ZFAT: variants seen among roughly 807,000 people sequenced by gnomAD.
ZFAT encodes zinc finger protein ZFAT.
In ZFAT, 64 loss-of-function variants were observed where a neutral mutation model predicts 117.7. The ratio of observed to expected loss-of-function variants is 0.54; its 90% CI spans 0.44 to 0.67. ZFAT has a LOEUF of 0.67. Ranked by LOEUF, ZFAT falls within the 30% of genes least tolerant of loss-of-function variation. The pLI is 0.00. For synonymous variants in ZFAT, 679 were observed against 615.0 expected (o/e 1.10, Z -1.54); for missense variants, 1,433 against 1,584.5 (o/e 0.90, Z 1.62).
chr8:134,636,775 A>G (rs1830236281), intron 3 of ZFAT, among the ~76,000 whole-genome samples: 1 of 152,242 alleles, frequency 6.6e-6, no homozygotes, highest in South Asian at 2.1e-4. Flanking sequence ...GGCCATCTGC[A>G]GACACACTAC....
the ZFAT span, among the ~76,000 whole-genome samples, chr8:134,780,991 G>A: frequency 6.6e-6 from 1 of 152,068 alleles, no homozygotes; most frequent in Non-Finnish European, 1.5e-5. Flanking sequence ...TGACTAATTG[G>A]CATAGTATTT....
intron 5 of ZFAT, among the ~76,000 whole-genome samples, chr8:134,606,134 G>A (rs1234111162): frequency 6.6e-6 from 1 of 152,234 alleles, no homozygotes; most frequent in Non-Finnish European, 1.5e-5. Context: ...AAGAGGCCCA[G>A]ATGGCTGGAA....
At chr8:134,795,310 A>C in the ZFAT span, 14 of 152,236 alleles carry the variant, frequency 9.2e-5, no homozygotes, top group African/African-American at 3.1e-4. Context: ...CTCCAGGGAC[A>C]CGACAGGGCT....
At chr8:134,772,694 C>A in the ZFAT span, among the ~76,000 whole-genome samples, 1 of 152,156 alleles carries the variant, frequency 6.6e-6, no homozygotes. Flanking sequence ...CATTAAACAA[C>A]AAAACAGCCT....
chr8:134,749,227 A>G, the ZFAT span, among the ~76,000 whole-genome samples: 1 of 152,216 alleles, frequency 6.6e-6, no homozygotes, highest in Admixed American at 6.5e-5. Flanking sequence ...TTATTAAGAT[A>G]TTCTCTTATA....
the ZFAT span, among the ~76,000 whole-genome samples, chr8:134,777,490 C>T: frequency 1.3e-5 from 2 of 152,182 alleles, no homozygotes; most frequent in Non-Finnish European, 2.9e-5. Flanking sequence ...CATTGCCTAA[C>T]CTCTTTAAGA....
intron 1 of ZFAT, among the ~76,000 whole-genome samples, chr8:134,670,158 C>G (rs892131827): frequency 8.5e-5 from 13 of 152,194 alleles, no homozygotes; most frequent in African/African-American, 3.1e-4. Context: ...TAATGGGAGA[C>G]TGTAACACCC....
the ZFAT span, among the ~76,000 whole-genome samples, chr8:134,776,500 C>T: frequency 1.3e-5 from 2 of 152,134 alleles, no homozygotes; most frequent in Non-Finnish European, 2.9e-5. Context: ...GACAGGGTCT[C>T]ACCATGTTGC....
At chr8:134,828,521 G>A in the ZFAT span, among the ~76,000 whole-genome samples, 53 of 152,262 alleles carry the variant, frequency 3.5e-4, no homozygotes, top group African/African-American at 1.2e-3. Flanking sequence ...AGGTGAAGGC[G>A]TCACTGTTAC....
chr8:134,783,264 G>C, the ZFAT span, among the ~76,000 whole-genome samples: 1 of 152,146 alleles, frequency 6.6e-6, no homozygotes, highest in Non-Finnish European at 1.5e-5. Flanking sequence ...CCTGGGCCGA[G>C]GACCAGTATC....
chr8:134,693,663 G>T (rs900294304), intron 1 of ZFAT, among the ~76,000 whole-genome samples: 2 of 152,132 alleles, frequency 1.3e-5, no homozygotes, highest in Non-Finnish European at 2.9e-5. Flanking sequence ...AAATGCGGAA[G>T]AAATGACGGA....
At chr8:134,804,156 G>A in the ZFAT span, among the ~76,000 whole-genome samples, 1 of 152,072 alleles carries the variant, frequency 6.6e-6, no homozygotes, top group African/African-American at 2.4e-5. Flanking sequence ...CAGATCTGTG[G>A]GGAAACACAA....
At chr8:134,550,468 A>G (rs1191239853) in intron 11 of ZFAT, among the ~76,000 whole-genome samples, 1 of 152,260 alleles carries the variant, frequency 6.6e-6, no homozygotes, top group Non-Finnish European at 1.5e-5. Flanking sequence ...AAACCGTGGC[A>G]TACCACAAGT....
chr8:134,587,662 C>T (rs1367498657), intron 9 of ZFAT, among the ~76,000 whole-genome samples: 1 of 152,162 alleles, frequency 6.6e-6, no homozygotes, highest in East Asian at 1.9e-4. Flanking sequence ...CTAGTAGAAT[C>T]TTCACTTCCA....
At chr8:134,486,486 C>A (rs965735328) in intron 15 of ZFAT, among the ~76,000 whole-genome samples, 5 of 152,172 alleles carry the variant, frequency 3.3e-5, no homozygotes, top group African/African-American at 4.8e-5. Context: ...ATTTATTAAA[C>A]CATGTCTTGG....
intron 1 of ZFAT, among the ~76,000 whole-genome samples, chr8:134,674,245 T>C (rs1364258050): frequency 6.6e-6 from 1 of 152,208 alleles, no homozygotes; most frequent in Non-Finnish European, 1.5e-5. Flanking sequence ...GCCCAGGTAC[T>C]GCGCTTTTCC....
chr8:134,670,459 C>T (rs1182126439), intron 1 of ZFAT, among the ~76,000 whole-genome samples: 3 of 152,352 alleles, frequency 2.0e-5, no homozygotes, highest in East Asian at 1.9e-4. Flanking sequence ...CAATCAAAAT[C>T]GCTCAACTAC....
chr8:134,498,803 T>C (rs1213835822), intron 15 of ZFAT, among the ~76,000 whole-genome samples: 1 of 46,176 alleles, frequency 2.2e-5, no homozygotes, highest in Non-Finnish European at 4.2e-5. Context: ...GGGGTGGAGC[T>C]GGGATGCCCC....
Position 134,590,305 on chromosome 8 carries a change from A to G in ZFAT, c.2526T>C (p.Asp842=). ...TCTTGATATGTGACTTTATCAATCGATCCTCTGAAAAAGACTTTTCACAAA... is the reference window on the plus strand; with the variant it reads ...TCTTGATATGTGACTTTATCAATCGGTCCTCTGAAAAAGACTTTTCACAAA... ...CPVCEKSFSE[D]RLIKSHIKTN... The change falls in exon 8 of 16, where the codon GAT becomes GAC. Residue 842 remains aspartate (D), a synonymous_variant. Coordinates refer to ENST00000377838, the MANE Select transcript of ZFAT (RefSeq NM_020863.4). The G allele has an allele frequency of 6.2e-7, 1 of 1,613,398 alleles. No individual in the cohort carries two copies. Among genetic ancestry groups the G allele is most frequent in the Non-Finnish European group, 8.5e-7 (1 of 1,179,410 alleles).
Sources: allele counts gnomAD v4.1 joint callset (sites outside exome capture counted in the v4.1 genomes callset), GRCh38; gene constraint gnomAD v4.1.1; transcripts MANE v1.5; gene names NCBI Gene and HGNC (gene_info 2026-07-23, HGNC 2026-07-21).